EXOC6: variants seen among roughly 807,000 people sequenced by gnomAD.
EXOC6 encodes the protein SEC15-like 1.
In EXOC6, 60 loss-of-function variants were observed where a neutral mutation model predicts 112.5. That is an observed-to-expected ratio of 0.53 (90% CI 0.43 to 0.66). EXOC6 has a LOEUF of 0.66. EXOC6 is among the 30% of genes least tolerant of loss of function. The pLI, the probability that EXOC6 is intolerant of heterozygous loss-of-function variation, is 0.00. For missense variants in EXOC6, 855 were observed against 957.1 expected (o/e 0.89, Z 1.41); for synonymous variants, 295 against 308.0 (o/e 0.96, Z 0.44).
chr10:93,058,676 A>T lies in EXOC6; in HGVS notation c.*321A>T. On this transcript the variant is annotated 3_prime_UTR_variant, in exon 22 of 22. Coordinates refer to ENST00000260762, the MANE Select transcript of EXOC6 (RefSeq NM_019053.6). ...AAAACATATGCCTCTACTCATAAGT[A>T]TTTTTTTCTATTTAGACTTGAATGA... is the stretch of plus-strand genomic sequence containing the variant. 1 of 188,166 alleles carries T rather than the reference A, an allele frequency of 5.3e-6. No individual in the cohort carries two copies. The highest frequency in any genetic ancestry group is 1.1e-5 in the Non-Finnish European group (1 of 91,698). The allele number at this position is 188,166 out of a possible 1,614,324, so 11.7% of individuals were successfully genotyped here.
intron 18 of EXOC6, among the ~76,000 whole-genome samples, chr10:92,994,453 C>G (rs1037434300): frequency 6.6e-6 from 1 of 152,104 alleles, no homozygotes; most frequent in African/African-American, 2.4e-5. Flanking sequence ...AATGTTAGAG[C>G]AGGGTAAAAA....
chr10:92,875,033 ATTATAGC>A lies in EXOC6; in HGVS notation c.102-18314_102-18308del, dbSNP rs545743591. Among the ~76,000 whole-genome samples, 167 of 152,274 alleles carry A rather than the reference ATTATAGC, an allele frequency of 1.1e-3. 1 individual carries two copies. The highest frequency in any genetic ancestry group is 1.4e-3 in the Admixed American group (21 of 15,284). On this transcript the variant is annotated intron_variant, in intron 1 of 21. Transcript: ENST00000260762. Reference sequence around the variant, plus strand: ...AGCAGTTCTCAGAGGGAAGGTAGGTATTATAGCTGTGTTTGTGCACTTTCCTAGGGAG... The same window carrying A: ...AGCAGTTCTCAGAGGGAAGGTAGGTATGTGTTTGTGCACTTTCCTAGGGAG...
intron 1 of EXOC6, among the ~76,000 whole-genome samples, chr10:92,877,303 T>C (rs1848724453): frequency 6.6e-6 from 1 of 152,036 alleles, no homozygotes; most frequent in Admixed American, 6.6e-5. Flanking sequence ...CTTTTTTTTT[T>C]CCTGTAATAT....
upstream of EXOC6, among the ~76,000 whole-genome samples, chr10:92,846,257 C>T (rs1253533594): frequency 6.6e-6 from 1 of 152,208 alleles, no homozygotes; most frequent in Non-Finnish European, 1.5e-5. Flanking sequence ...TAAAAGGTAT[C>T]AGGACTGGTG....
chr10:92,835,050 A>C (rs990061265), intron 1 of EXOC6, among the ~76,000 whole-genome samples: 1 of 152,232 alleles, frequency 6.6e-6, no homozygotes, highest in Non-Finnish European at 1.5e-5. Flanking sequence ...ATTAAAAACT[A>C]TGACTTTCAA....
intron 6 of EXOC6, among the ~76,000 whole-genome samples, chr10:92,913,026 G>A (rs1407037250): frequency 2.0e-5 from 3 of 152,146 alleles, no homozygotes; most frequent in South Asian, 2.1e-4. Flanking sequence ...AGCACATCAC[G>A]TGCTTTTGGC....
At chr10:92,996,606 C>A (rs1452255254) in intron 18 of EXOC6, among the ~76,000 whole-genome samples, 250 of 141,814 alleles carry the variant, frequency 1.8e-3, no homozygotes, top group Middle Eastern at 3.6e-3. Context: ...GACTCTGTCT[C>A]AAAAAAAAAA....
At chr10:93,015,405 A>G (rs1844452862) in intron 20 of EXOC6, among the ~76,000 whole-genome samples, 1 of 152,246 alleles carries the variant, frequency 6.6e-6, no homozygotes, top group African/African-American at 2.4e-5. Flanking sequence ...ATGGAGCTTA[A>G]ACATGCTTTA....
At chr10:92,850,631 GTCATCTAGCT>G (rs1236013275) in intron 1 of EXOC6, among the ~76,000 whole-genome samples, 3 of 152,018 alleles carry the variant, frequency 2.0e-5, no homozygotes, top group African/African-American at 7.3e-5. Context: ...ACCATGAACT[GTCATCTAGCT>G]TCAATTCATT....
chr10:93,005,428 T>C (rs1470981584), intron 19 of EXOC6, among the ~76,000 whole-genome samples: 1 of 152,192 alleles, frequency 6.6e-6, no homozygotes, highest in Non-Finnish European at 1.5e-5. Flanking sequence ...ATGTTCTGAA[T>C]CAGTGTATGT....
intron 18 of EXOC6, among the ~76,000 whole-genome samples, chr10:92,980,202 G>C (rs1225016044): frequency 1.3e-5 from 2 of 152,156 alleles, no homozygotes; most frequent in African/African-American, 4.8e-5. Flanking sequence ...GGGCTGTAGA[G>C]TTAGAAATAC....
intron 5 of EXOC6, among the ~76,000 whole-genome samples, chr10:92,905,528 G>A (rs964650788): frequency 1.4e-4 from 22 of 151,944 alleles, no homozygotes; most frequent in Non-Finnish European, 2.9e-4. Flanking sequence ...CATGTTACCT[G>A]CAAAGACTTC....
At chr10:92,902,928 TTATC>T (rs1335382616) in intron 5 of EXOC6, among the ~76,000 whole-genome samples, 6 of 152,186 alleles carry the variant, frequency 3.9e-5, no homozygotes, top group African/African-American at 1.4e-4. Context: ...TAGAATTTGT[TTATC>T]TATCCATTAG....
chr10:93,042,825 TATTG>T (rs1845841676), intron 20 of EXOC6, among the ~76,000 whole-genome samples: 1 of 152,086 alleles, frequency 6.6e-6, no homozygotes, highest in Non-Finnish European at 1.5e-5. Flanking sequence ...ATATCCAGAG[TATTG>T]ATTAAGTGAT....
intron 8 of EXOC6, among the ~76,000 whole-genome samples, chr10:92,923,736 T>G (rs7913340): frequency 0.76 from 115,792 of 152,130 alleles, 45,200 homozygotes; most frequent in East Asian, 1. Flanking sequence ...ATCCTATTCA[T>G]CACATAGATG....
At chr10:93,035,677 A>C (rs1845483804) in intron 20 of EXOC6, among the ~76,000 whole-genome samples, 1 of 152,170 alleles carries the variant, frequency 6.6e-6, no homozygotes, top group South Asian at 2.1e-4. Context: ...CAACATGGCA[A>C]AACCCCGTCT....
intron 1 of EXOC6, among the ~76,000 whole-genome samples, chr10:92,885,382 C>CTT (rs869229626): frequency 2.8e-5 from 4 of 142,294 alleles, no homozygotes; most frequent in Admixed American, 1.4e-4. Context: ...AAAGTCAGCT[C>CTT]TTTTTTTTTT....
intron 19 of EXOC6, among the ~76,000 whole-genome samples, chr10:93,013,903 G>T (rs1030023979): frequency 3.9e-5 from 6 of 152,166 alleles, no homozygotes; most frequent in Non-Finnish European, 8.8e-5. Context: ...TTACTTGATT[G>T]AAGTACGTTA....
chr10:93,001,991 G>A (rs557720770), intron 19 of EXOC6, among the ~76,000 whole-genome samples: 1 of 152,258 alleles, frequency 6.6e-6, no homozygotes, highest in African/African-American at 2.4e-5. Flanking sequence ...TACAGAACAA[G>A]TATAATTATG....
Sources: gnomAD v4.1 joint callset for allele counts (sites outside exome capture counted in the v4.1 genomes callset) on GRCh38, gnomAD v4.1.1 for gene constraint, MANE v1.5 for transcripts, NCBI Gene and HGNC (gene_info 2026-07-23, HGNC 2026-07-21) for gene names.